The following CCNP variants were observed in gnomAD, a reference collection of about 807,000 sequenced individuals.
CCNP encodes the protein cyclin-P.
Under a neutral mutation model 19.6 loss-of-function variants are expected in CCNP, and 18 were observed. The ratio of observed to expected loss-of-function variants is 0.92; its 90% CI spans 0.64 to 1.36. CCNP has a LOEUF of 1.36. Among genes scored for constraint, CCNP ranks in the 40% most tolerant of loss-of-function variants. CCNP has a pLI of 0.00. For synonymous variants in CCNP, 228 were observed against 194.9 expected, an observed-to-expected ratio of 1.17 and a Z score of -1.41; for missense variants, 440 against 424.4, an observed-to-expected ratio of 1.04 and a Z score of -0.32.
chr19:40,224,556 G>A lies in CCNP; in HGVS notation c.445C>T (p.Arg149Cys), dbSNP rs748061781. The A allele has an allele frequency of 1.1e-5, 18 of 1,614,218 alleles. No individual in the cohort carries two copies. In the South Asian group the frequency reaches 1.3e-4, roughly 12 times the overall value. Residue 149 changes from arginine (R) to cysteine (C), a missense_variant, in exon 3 of 5, where the codon CGC becomes TGC. By Grantham distance (180) the Arg-to-Cys change is radical (BLOSUM62 -3). Transcript: ENST00000430325. ...CAAGCCACGCCCAGCAGCTGCAGGC[G>A]ATGTAGACGCACGCGGCCAGCGCTC... ...YLSAGRVRLH[R>C]LQLLGVACLF... is the part of the protein sequence containing the mutation.
At chr19:40,223,948 TG>T (rs1369359834) in intron 3 of CCNP, among the ~76,000 whole-genome samples, 2 of 151,738 alleles carry the variant, frequency 1.3e-5, no homozygotes, top group African/African-American at 2.4e-5. Context: ...GAGGTCACCT[TG>T]GCTCCCCAAA....
rs202033431 is a variant in CCNP, at chr19:40,225,194, G to A, written c.268-383C>T. 2.2e-4 allele frequency among the ~76,000 whole-genome samples: 33 copies of A among 152,084 alleles called. No individual in the cohort carries two copies. In the East Asian group the frequency reaches 6.2e-3, roughly 28 times the overall value. On this transcript the variant is annotated intron_variant, in intron 1 of 4. Transcript: ENST00000430325. ...CCCGCCTCAGCCTCCCTAGTAGCTG[G>A]GATTACAGGCATGTGGCACCATGCC...
intron 1 of CCNP, among the ~76,000 whole-genome samples, chr19:40,225,722 C>T (rs911726074): frequency 1.2e-4 from 19 of 152,238 alleles, no homozygotes; most frequent in Admixed American, 9.2e-4. Context: ...TGTCTATACT[C>T]CTACCACCCG....
rs750478050 is a variant in CCNP, at chr19:40,224,494, A to T, written c.507T>A (p.Leu169=). ...AACCCCACCCCGGAAGTACCTCGGG[A>T]AGCACGCACTCTTCCATTTTGCACG... ...FVACKMEECV[L]PEPAFLCLLS... is the part of the protein sequence containing the mutation. Residue 169 remains leucine (L), a synonymous_variant, in exon 3 of 5, where the codon CTT becomes CTA. Coordinates refer to ENST00000430325, the MANE Select transcript of CCNP (RefSeq NM_024877.4). The T allele has an allele frequency of 6.2e-7, 1 of 1,613,842 alleles. No homozygotes were observed. The highest frequency in any genetic ancestry group is 1.1e-5 in the South Asian group (1 of 91,082).
chr19:40,222,255 T>A lies in CCNP; in HGVS notation c.*797A>T, dbSNP rs1973454849. The A allele has an allele frequency of 2.5e-6, 1 of 398,556 alleles. No individual in the cohort carries two copies. Among genetic ancestry groups the A allele is most frequent in the Non-Finnish European group, 4.4e-6 (1 of 225,900 alleles). 24.7% of individuals were successfully genotyped at this position (398,556 alleles called of 1,614,324 possible). On this transcript the variant is annotated 3_prime_UTR_variant, in exon 5 of 5. Transcript: ENST00000430325. Reference sequence around the variant, plus strand: ...ATTGAGATGAGAGACGGACACACACTGGGAGGGTTTTGTTTTTTGTTGTTG... The same window carrying A: ...ATTGAGATGAGAGACGGACACACACAGGGAGGGTTTTGTTTTTTGTTGTTG...
rs1229188972 is a variant in CCNP, at chr19:40,223,430, C to T, written c.630G>A (p.Leu210=). 1 of 1,601,948 alleles carries T rather than the reference C, an allele frequency of 6.2e-7. No individual in the cohort carries two copies. The highest frequency in any genetic ancestry group is 1.7e-5 in the Admixed American group (1 of 58,524). The change falls in exon 4 of 5, where the codon CTG becomes CTA. Residue 210 remains leucine (L), a synonymous_variant. Transcript: ENST00000430325. ...DFRLHHPGPL[L]CLGLLAALAG... is the part of the protein sequence containing the mutation. ...CCAGCGCGGCCAGCAGCCCGAGGCA[C>T]AGCAGCGGGCCGGGGTGGTGCAGCC...
In CCNP at chr19:40,222,580, G is replaced by A. The variant is rs1599925995; in HGVS notation, c.*472C>T. 3 of 397,772 alleles carry A rather than the reference G, an allele frequency of 7.5e-6. No homozygotes were observed. Among genetic ancestry groups the A allele is most frequent in the South Asian group, 1.3e-4 (1 of 7,546 alleles). The allele number at this position is 397,772 out of a possible 1,614,324, so 24.6% of individuals were successfully genotyped here. ...AAGAAGCGTCGATGTGGTTCCCCAC[G>A]GACGGGTCGGGGGCTCTCTTGAGAT... On this transcript the variant is annotated 3_prime_UTR_variant, in exon 5 of 5. Transcript: ENST00000430325.
intron 1 of CCNP, among the ~76,000 whole-genome samples, chr19:40,225,398 G>A (rs956688159): frequency 1.3e-5 from 2 of 152,068 alleles, no homozygotes; most frequent in African/African-American, 2.4e-5. Context: ...CAACCCCTCT[G>A]CCTCAGAGCA....
In CCNP at chr19:40,223,288, T is replaced by G; in HGVS notation, c.688A>C (p.Thr230Pro). 1 of 1,526,412 alleles carries G rather than the reference T, an allele frequency of 6.6e-7. No individual in the cohort carries two copies. 94.6% of individuals were successfully genotyped at this position (1,526,412 alleles called of 1,614,324 possible). ...AGCAAAGACAGCTCCAGGAAGTAGGTGGCAAGTAACATCACCTGCAAGTGA... is the reference window on the plus strand; with the variant it reads ...AGCAAAGACAGCTCCAGGAAGTAGGGGGCAAGTAACATCACCTGCAAGTGA... ...GSSPQVMLLATYFLELSLLEA... is the reference protein window; with the variant it reads ...GSSPQVMLLAPYFLELSLLEA... Residue 230 changes from threonine to proline, a missense_variant, in exon 5 of 5, where the codon ACC becomes CCC. Thr to Pro is a conservative substitution (Grantham distance 38). Transcript: ENST00000430325.
Position 40,223,272 on chromosome 19 carries a change from A to G in CCNP, c.704T>C (p.Leu235Pro), listed in dbSNP as rs1973480215. 2.6e-6 allele frequency: 4 copies of G among 1,532,940 alleles called. No homozygotes were observed. Among genetic ancestry groups the G allele is most frequent in the African/African-American group, 1.4e-5 (1 of 72,270 alleles). 95.0% of individuals were successfully genotyped at this position (1,532,940 alleles called of 1,614,324 possible). ...CGCCGCCTCGGCCTCCAGCAAAGACAGCTCCAGGAAGTAGGTGGCAAGTAA... is the reference window on the plus strand; with the variant it reads ...CGCCGCCTCGGCCTCCAGCAAAGACGGCTCCAGGAAGTAGGTGGCAAGTAA... ...VMLLATYFLELSLLEAEAAGW... is the reference protein window; with the variant it reads ...VMLLATYFLEPSLLEAEAAGW... The change falls in exon 5 of 5, where the codon CTG becomes CCG. Residue 235 changes from leucine (L) to proline (P), a missense_variant. Leu to Pro is a moderately conservative substitution (Grantham distance 98). Transcript: ENST00000430325.
chr19:40,224,565 G>T lies in CCNP; in HGVS notation c.436C>A (p.Arg146Ser), dbSNP rs1454738726. ...LDSYLSAGRV[R>S]LHRLQLLGVA... Reference sequence around the variant, plus strand: ...CCCAGCAGCTGCAGGCGATGTAGACGCACGCGGCCAGCGCTCAGGTAGGAA... The same window carrying T: ...CCCAGCAGCTGCAGGCGATGTAGACTCACGCGGCCAGCGCTCAGGTAGGAA... The change falls in exon 3 of 5, where the codon CGT (arginine) becomes AGT (serine). Residue 146 changes from arginine (R) to serine (S), a missense_variant. Transcript: ENST00000430325. 6 of 1,614,206 alleles carry T rather than the reference G, an allele frequency of 3.7e-6. No homozygotes were observed. Among genetic ancestry groups the T allele is most frequent in the Non-Finnish European group, 3.4e-6 (4 of 1,180,034 alleles).
At chr19:40,224,664 C>T (rs1348669752) in intron 2 of CCNP, 21 bp from the exon 3 acceptor site, 1 of 1,614,008 alleles carries the variant, frequency 6.2e-7, no homozygotes, top group Middle Eastern at 1.6e-4. Flanking sequence ...GCAAGGGTGA[C>T]CACGGGGTCC....
chr19:40,225,472 G>A (rs1973526555), intron 1 of CCNP, among the ~76,000 whole-genome samples: 1 of 152,122 alleles, frequency 6.6e-6, no homozygotes, highest in Admixed American at 6.5e-5. Context: ...ACCCTTCCAT[G>A]GCTCCCAGTA....
intron 1 of CCNP, 133 bp from the exon 2 acceptor site, chr19:40,224,944 A>G: frequency 1.3e-6 from 1 of 744,630 alleles, no homozygotes; most frequent in Non-Finnish European, 2.2e-6. Flanking sequence ...ACTGGCCTCC[A>G]AATGAGCTCC....
At chr19:40,224,990 T>TCC (rs1973519992) in intron 1 of CCNP, 179 bp from the exon 2 acceptor site, 1 of 599,974 alleles carries the variant, frequency 1.7e-6, no homozygotes, top group East Asian at 2.8e-5. Flanking sequence ...TGGGCTTCGT[T>TCC]CCAGATGCCT....
At chr19:40,223,325 T>G in intron 4 of CCNP, 22 bp from the exon 5 acceptor site, 2 of 1,503,520 alleles carry the variant, frequency 1.3e-6, no homozygotes, top group Non-Finnish European at 1.8e-6. Flanking sequence ...GCGGGGCGAC[T>G]GTCAGGCCAC....
At position 40,222,327 on chromosome 19, in the gene CCNP, G is replaced by T. The variant is rs951708327; in HGVS notation, c.*725C>A. ...AGTACTCAGGGAGGCTCAGACTGGAGGCGGCGGAGCAGGCAGGCGGCGGCA... is the reference window on the plus strand; with the variant it reads ...AGTACTCAGGGAGGCTCAGACTGGATGCGGCGGAGCAGGCAGGCGGCGGCA... On this transcript the variant is annotated 3_prime_UTR_variant, in exon 5 of 5. Transcript: ENST00000430325. 34 of 398,962 alleles carry T rather than the reference G, an allele frequency of 8.5e-5. 1 individual carries two copies. The highest frequency in any genetic ancestry group is 6.8e-4 in the African/African-American group (33 of 48,628). The allele number at this position is 398,962 out of a possible 1,614,324, so 24.7% of individuals were successfully genotyped here.
chr19:40,222,423 G>A lies in CCNP; in HGVS notation c.*629C>T. On this transcript the variant is annotated 3_prime_UTR_variant, in exon 5 of 5. Transcript: ENST00000430325. ...GCGGCGCGACCCGGCGCGGGACCTC[G>A]GAGCGCAGCGCGGGCCATGCACGGC... 1 of 398,626 alleles carries A rather than the reference G, an allele frequency of 2.5e-6. No homozygotes were observed. 24.7% of individuals were successfully genotyped at this position (398,626 alleles called of 1,614,324 possible). A position where few individuals can be genotyped will look rare whatever the true frequency, so the allele number is the denominator to read the frequency against.
rs528906400 is a variant in CCNP, at chr19:40,226,400, G to T, written c.242C>A (p.Ala81Asp). ...CATGACTTCGGCGAAGATGTCCCCGGCGTACTCGCGTTCTCCCTGCAGCCC... is the reference window on the plus strand; with the variant it reads ...CATGACTTCGGCGAAGATGTCCCCGTCGTACTCGCGTTCTCCCTGCAGCCC... ...ALGLQGEREY[A>D]GDIFAEVMVC... The change falls in exon 1 of 5, where the codon GCC becomes GAC. Residue 81 changes from alanine to aspartate, a missense_variant. Transcript: ENST00000430325. 1.2e-6 allele frequency: 2 copies of T among 1,607,260 alleles called. No homozygotes were observed. Among genetic ancestry groups the T allele is most frequent in the East Asian group, 4.5e-5 (2 of 44,858 alleles).
Sources: gnomAD v4.1 joint callset for allele counts (sites outside exome capture counted in the v4.1 genomes callset) on GRCh38, gnomAD v4.1.1 for gene constraint, MANE v1.5 for transcripts, NCBI Gene and HGNC (gene_info 2026-07-23, HGNC 2026-07-21) for gene names.